Variants in THSD4 observed in about 807,000 individuals in gnomAD.
The protein encoded by THSD4 is thrombospondin type 1 domain containing 4.
Under a neutral mutation model 119.0 loss-of-function variants are expected in THSD4, and 69 were observed. That is an observed-to-expected ratio of 0.58 (90% confidence interval 0.48 to 0.71). THSD4 has a LOEUF of 0.71. Among genes scored for constraint, THSD4 ranks in the 30% least tolerant of loss-of-function variants. The probability of loss-of-function intolerance (pLI) is 0.00; values close to 1 mark genes in which losing one functional copy is unlikely to be tolerated. For synonymous variants in THSD4, 524 were observed against 540.4 expected, an observed-to-expected ratio of 0.97 and a Z score of 0.42; for missense variants, 1,393 against 1,391.1, an observed-to-expected ratio of 1.00 and a Z score of -0.02.
chr15:71,370,647 C>T (rs2046031543), intron 6 of THSD4, among the ~76,000 whole-genome samples: 1 of 152,136 alleles, frequency 6.6e-6, no homozygotes. Flanking sequence ...GTCTGACAGA[C>T]AGTTTGTTAT....
At chr15:71,660,808 G>A in intron 8 of THSD4, 74 bp downstream of exon 8, 1 of 1,550,152 alleles carries the variant, frequency 6.5e-7, no homozygotes. Context: ...CTGTGAGATA[G>A]ACACAGCAGT....
intron 7 of THSD4, among the ~76,000 whole-genome samples, chr15:71,501,862 G>C (rs1173208316): frequency 3.9e-5 from 6 of 151,982 alleles, no homozygotes; most frequent in Non-Finnish European, 8.8e-5. Context: ...GTCATCTTTT[G>C]ACTTCTCTTT....
intron 7 of THSD4, among the ~76,000 whole-genome samples, chr15:71,631,758 G>A (rs757169791): frequency 6.6e-6 from 1 of 152,210 alleles, no homozygotes; most frequent in Non-Finnish European, 1.5e-5. Flanking sequence ...CTGGGGTCTT[G>A]TGATGTCCCA....
intron 7 of THSD4, among the ~76,000 whole-genome samples, chr15:71,484,706 G>T (rs540433271): frequency 6.6e-6 from 1 of 152,248 alleles, no homozygotes; most frequent in South Asian, 2.1e-4. Context: ...ACCCCCATTT[G>T]CAGGTGTGGA....
intron 6 of THSD4, among the ~76,000 whole-genome samples, chr15:71,313,060 A>C (rs1395544777): frequency 6.6e-6 from 1 of 152,202 alleles, no homozygotes; most frequent in Admixed American, 6.5e-5. Context: ...ATTGGAATGA[A>C]TGAGTAGATG....
chr15:71,507,199 T>C (rs1198999980), intron 7 of THSD4, among the ~76,000 whole-genome samples: 1 of 152,186 alleles, frequency 6.6e-6, no homozygotes, highest in South Asian at 2.1e-4. Flanking sequence ...CCCCGCTGGC[T>C]CAGAGCTCTG....
At chr15:71,337,690 C>A (rs188731057) in intron 6 of THSD4, among the ~76,000 whole-genome samples, 1 of 151,172 alleles carries the variant, frequency 6.6e-6, no homozygotes, top group African/African-American at 2.4e-5. Context: ...GGCCCCTCAG[C>A]CAGGCTGGAA....
At chr15:71,643,504 C>G (rs1158241818) in intron 7 of THSD4, among the ~76,000 whole-genome samples, 1 of 152,112 alleles carries the variant, frequency 6.6e-6, no homozygotes, top group East Asian at 1.9e-4. Context: ...TTGTTCCCCT[C>G]TATGTGTCCA....
Position 71,592,402 on chromosome 15 carries a change from G to A in THSD4, c.1153-68128G>A, listed in dbSNP as rs376799292. On this transcript the variant is annotated intron_variant, in intron 7 of 17. Transcript: ENST00000261862. ...GTGTGCACAGCCACATGGCCCTGCC[G>A]CCCCAGGAATTGAGCTGTTACTTGT... Among the ~76,000 whole-genome samples the A allele has an allele frequency of 8.5e-5, 13 of 152,244 alleles. No homozygotes were observed. The South Asian group carries it at 2.5e-3, about 29-fold the overall frequency.
chr15:71,540,707 A>C (rs7173273), intron 7 of THSD4, among the ~76,000 whole-genome samples: 31,075 of 117,366 alleles, frequency 0.26, 4,085 homozygotes, highest in Admixed American at 0.32. Context: ...GATTACAGGC[A>C]TGAGCCACTG....
intron 6 of THSD4, among the ~76,000 whole-genome samples, chr15:71,295,481 C>T (rs899746350): frequency 2.0e-5 from 3 of 152,174 alleles, no homozygotes; most frequent in Non-Finnish European, 4.4e-5. Flanking sequence ...TGGTTAATTT[C>T]ATCAGGTCAT....
intron 8 of THSD4, among the ~76,000 whole-genome samples, chr15:71,714,256 G>C (rs764177806): frequency 6.6e-6 from 1 of 152,096 alleles, no homozygotes; most frequent in Non-Finnish European, 1.5e-5. Flanking sequence ...AAAGATGTGC[G>C]GTGGGTGTTG....
chr15:71,545,236 T>C (rs1282133910), intron 7 of THSD4, among the ~76,000 whole-genome samples: 1 of 152,198 alleles, frequency 6.6e-6, no homozygotes, highest in Non-Finnish European at 1.5e-5. Flanking sequence ...TCTTAGTGAT[T>C]CTCTTTTGAA....
At chr15:71,231,304 T>C (rs1265888286) in intron 4 of THSD4, among the ~76,000 whole-genome samples, 1 of 152,200 alleles carries the variant, frequency 6.6e-6, no homozygotes, top group Non-Finnish European at 1.5e-5. Flanking sequence ...GTTGCTGCTC[T>C]GTTTTATTTT....
intron 7 of THSD4, among the ~76,000 whole-genome samples, chr15:71,649,743 C>T (rs1283634033): frequency 6.6e-6 from 1 of 152,168 alleles, no homozygotes; most frequent in Non-Finnish European, 1.5e-5. Flanking sequence ...TGGGGTTTTA[C>T]ATTTAAGTCT....
chr15:71,351,895 C>T (rs2045748251), intron 6 of THSD4, among the ~76,000 whole-genome samples: 1 of 152,178 alleles, frequency 6.6e-6, no homozygotes, highest in Non-Finnish European at 1.5e-5. Flanking sequence ...AATGTGTTTA[C>T]CCTTCTCTGC....
At position 71,664,969 on chromosome 15, in the gene THSD4, C is replaced by G. The variant is rs113760740; in HGVS notation, c.1357+4235C>G. Among the ~76,000 whole-genome samples the G allele has an allele frequency of 6.7e-3, 1,019 of 152,172 alleles. 18 individuals are homozygous for G. The highest frequency in any genetic ancestry group is 0.023 in the African/African-American group (958 of 41,508). ...GCAGTGAACATATGCATGCATGTGT[C>G]TTTATGGTAGGATGATTTACATTCC... On this transcript the variant is annotated intron_variant, in intron 8 of 17. Coordinates refer to ENST00000261862, the MANE Select transcript of THSD4 (RefSeq NM_024817.3).
At chr15:71,525,938 C>T (rs1324170053) in intron 7 of THSD4, among the ~76,000 whole-genome samples, 1 of 152,148 alleles carries the variant, frequency 6.6e-6, no homozygotes, top group Non-Finnish European at 1.5e-5. Context: ...CCAGGAGCTT[C>T]TAACACCCGA....
intron 7 of THSD4, among the ~76,000 whole-genome samples, chr15:71,459,354 C>CTG (rs2047388964): frequency 7.6e-5 from 11 of 144,022 alleles, no homozygotes; most frequent in Admixed American, 6.4e-4. Context: ...CTGTCTCTCT[C>CTG]TCTCTCTCTG....
Sources: gnomAD v4.1 joint callset for allele counts (sites outside exome capture counted in the v4.1 genomes callset) on GRCh38, gnomAD v4.1.1 for gene constraint, MANE v1.5 for transcripts, NCBI Gene and HGNC (gene_info 2026-07-23, HGNC 2026-07-21) for gene names.